CMKLR2: variants seen among roughly 807,000 people sequenced by gnomAD.
CMKLR2 encodes chemerin-like receptor 2.
Under a neutral mutation model 23.0 loss-of-function variants are expected in CMKLR2, and 18 were observed. The ratio of observed to expected loss-of-function variants is 0.78; its 90% CI spans 0.54 to 1.16. The LOEUF (loss-of-function observed/expected upper bound fraction) is 1.16. Ranked by LOEUF, CMKLR2 falls within the 50% of genes most tolerant of loss-of-function variation. The pLI is 0.00. For missense variants in CMKLR2, 401 were observed against 412.7 expected (o/e 0.97, Z 0.25); for synonymous variants, 158 against 158.9 (o/e 0.99, Z 0.05).
intron 1 of CMKLR2, among the ~76,000 whole-genome samples, chr2:206,195,172 A>G (rs1688881294): frequency 6.6e-6 from 1 of 152,172 alleles, no homozygotes; most frequent in African/African-American, 2.4e-5. Context: ...CAAAATGGAC[A>G]TTGGAGAGAC....
chr2:206,177,339 A>G (rs1372913383), intron 1 of CMKLR2, 64 bp from the exon 2 acceptor site: 2 of 717,116 alleles, frequency 2.8e-6, no homozygotes, highest in Admixed American at 5.9e-5. Context: ...TCAGTGAATG[A>G]TAAGGAACGT....
At chr2:206,207,351 G>A (rs1574328648) in intron 1 of CMKLR2, among the ~76,000 whole-genome samples, 1 of 152,124 alleles carries the variant, frequency 6.6e-6, no homozygotes, top group East Asian at 1.9e-4. Context: ...TGTTGGCCAG[G>A]CTGGTCTCGA....
At chr2:206,206,122 T>C (rs1432381043) in intron 1 of CMKLR2, among the ~76,000 whole-genome samples, 1 of 152,224 alleles carries the variant, frequency 6.6e-6, no homozygotes, top group African/African-American at 2.4e-5. Context: ...CATATTTATC[T>C]GTGAAATACC....
intron 1 of CMKLR2, among the ~76,000 whole-genome samples, chr2:206,177,696 TA>T (rs1481856219): frequency 6.6e-6 from 1 of 152,162 alleles, no homozygotes; most frequent in Non-Finnish European, 1.5e-5. Flanking sequence ...AAATATAGTA[TA>T]TTTTTTGATA....
At chr2:206,177,398 C>G in intron 1 of CMKLR2, 123 bp from the exon 2 acceptor site, 2 of 583,118 alleles carry the variant, frequency 3.4e-6, no homozygotes, top group Non-Finnish European at 5.9e-6. Context: ...ATTATTTTTT[C>G]TTTTTTTTGA....
intron 1 of CMKLR2, among the ~76,000 whole-genome samples, chr2:206,201,584 A>G (rs1338737514): frequency 6.6e-6 from 1 of 152,030 alleles, no homozygotes; most frequent in Non-Finnish European, 1.5e-5. Flanking sequence ...AACAACCTAA[A>G]TTTCTGCCCA....
intron 1 of CMKLR2, among the ~76,000 whole-genome samples, chr2:206,208,678 C>A (rs1179457121): frequency 4.7e-5 from 7 of 150,458 alleles, no homozygotes; most frequent in Admixed American, 4.6e-4. Context: ...CTCACTCTGT[C>A]ATTCAGGCTA....
chr2:206,185,940 T>G (rs138039852), intron 1 of CMKLR2, among the ~76,000 whole-genome samples: 169 of 152,204 alleles, frequency 1.1e-3, no homozygotes, highest in African/African-American at 3.9e-3. Flanking sequence ...TTGCACCAAG[T>G]AAATGAAGAA....
chr2:206,186,131 T>TTG (rs200949973), intron 1 of CMKLR2, among the ~76,000 whole-genome samples: 1 of 140,138 alleles, frequency 7.1e-6, no homozygotes, highest in Non-Finnish European at 1.6e-5. Context: ...TTTTTTTTTT[T>TTG]GATGGAGTCT....
At chr2:206,196,481 C>A (rs1032647491) in intron 1 of CMKLR2, among the ~76,000 whole-genome samples, 1 of 152,166 alleles carries the variant, frequency 6.6e-6, no homozygotes, top group Admixed American at 6.6e-5. Flanking sequence ...TAGAGCTGCA[C>A]CTGTGGCTGA....
intron 1 of CMKLR2, among the ~76,000 whole-genome samples, chr2:206,186,711 A>G (rs1381529594): frequency 2.0e-5 from 3 of 151,940 alleles, no homozygotes; most frequent in African/African-American, 4.8e-5. Context: ...CTTTTTAGCC[A>G]TGAAGACTTA....
chr2:206,191,457 G>A (rs1251987239), intron 1 of CMKLR2, among the ~76,000 whole-genome samples: 1 of 152,040 alleles, frequency 6.6e-6, no homozygotes, highest in African/African-American at 2.4e-5. Context: ...TTTAAGTAGA[G>A]ATTCAAAAAC....
chr2:206,178,511 A>G (rs751357824), intron 1 of CMKLR2, among the ~76,000 whole-genome samples: 9 of 152,276 alleles, frequency 5.9e-5, no homozygotes, highest in Non-Finnish European at 1.3e-4. Context: ...GATTATGACC[A>G]CTTAATTTCT....
At chr2:206,204,954 T>C (rs1689258278) in intron 1 of CMKLR2, among the ~76,000 whole-genome samples, 2 of 152,222 alleles carry the variant, frequency 1.3e-5, no homozygotes, top group African/African-American at 4.8e-5. Flanking sequence ...TCATTTCTTG[T>C]GATGAATATC....
chr2:206,195,229 T>G lies in CMKLR2; in HGVS notation c.-28-17954A>C, dbSNP rs144964725. ...CAAAAGAAAGAACTCTGCAGGGTGATGGAGGGGACTTGAAATTAGTCTTTG... is the reference window on the plus strand; with the variant it reads ...CAAAAGAAAGAACTCTGCAGGGTGAGGGAGGGGACTTGAAATTAGTCTTTG... On this transcript the variant is annotated intron_variant, in intron 1 of 1. Coordinates refer to ENST00000621141, the MANE Select transcript of CMKLR2 (RefSeq NM_001389445.1). Among the ~76,000 whole-genome samples the G allele has an allele frequency of 2.0e-3, 306 of 152,120 alleles. 1 individual carries two copies. Among genetic ancestry groups the G allele is most frequent in the African/African-American group, 6.9e-3 (286 of 41,488 alleles).
At chr2:206,200,761 T>G (rs1160863980) in intron 1 of CMKLR2, among the ~76,000 whole-genome samples, 1 of 152,178 alleles carries the variant, frequency 6.6e-6, no homozygotes, top group Admixed American at 6.5e-5. Context: ...TCGTACCTAA[T>G]AGGCAGTTTA....
At chr2:206,192,627 T>TC (rs1320397150) in intron 1 of CMKLR2, among the ~76,000 whole-genome samples, 2 of 151,948 alleles carry the variant, frequency 1.3e-5, no homozygotes, top group Non-Finnish European at 2.9e-5. Flanking sequence ...TCTACCACTT[T>TC]TTTTTTTTTC....
At chr2:206,192,306 ATTTT>A (rs201719052) in intron 1 of CMKLR2, among the ~76,000 whole-genome samples, 1 of 146,696 alleles carries the variant, frequency 6.8e-6, no homozygotes, top group Non-Finnish European at 1.5e-5. Flanking sequence ...AAATTTATTT[ATTTT>A]TTTTTTATTT....
chr2:206,212,497 A>G (rs1689606290), intron 1 of CMKLR2, among the ~76,000 whole-genome samples: 1 of 152,168 alleles, frequency 6.6e-6, no homozygotes. Context: ...ATTTAAGAGC[A>G]TTATTGCCAG....
Sources: gnomAD v4.1 joint callset for allele counts (sites outside exome capture counted in the v4.1 genomes callset) on GRCh38, gnomAD v4.1.1 for gene constraint, MANE v1.5 for transcripts, NCBI Gene and HGNC (gene_info 2026-07-23, HGNC 2026-07-21) for gene names.